ST3GAL1: variants seen among roughly 807,000 people sequenced by gnomAD.
ST3GAL1 encodes ST3 beta-galactoside alpha-2,3-sialyltransferase 1.
In ST3GAL1, 16 loss-of-function variants were observed where a neutral mutation model predicts 34.1. The ratio of observed to expected loss-of-function variants is 0.47; its 90% confidence interval spans 0.32 to 0.71. ST3GAL1 has a LOEUF of 0.71. Ranked by LOEUF, ST3GAL1 falls within the 30% of genes least tolerant of loss-of-function variation. ST3GAL1 has a pLI of 0.04. For missense variants in ST3GAL1, 353 were observed against 447.4 expected, an observed-to-expected ratio of 0.79 and a Z score of 1.90; for synonymous variants, 191 against 184.7, an observed-to-expected ratio of 1.03 and a Z score of -0.28.
chr8:133,528,811 A>AT (rs2131040467), intron 2 of ST3GAL1, among the ~76,000 whole-genome samples: 1 of 152,284 alleles, frequency 6.6e-6, no homozygotes, highest in African/African-American at 2.4e-5. Flanking sequence ...GTAGGACCAC[A>AT]TTTCCCCTCT....
chr8:133,518,522 G>A (rs1054592485), intron 2 of ST3GAL1, among the ~76,000 whole-genome samples: 7 of 152,218 alleles, frequency 4.6e-5, no homozygotes, highest in African/African-American at 1.7e-4. Context: ...CCCTTCATTT[G>A]ATGCTTAAAT....
rs60855292 is a variant in ST3GAL1 at position 133,564,519 on chromosome 8, TAC to T, written c.-582+7172_-582+7173del. Among the ~76,000 whole-genome samples the T allele has an allele frequency of 9.9e-3, 1,447 of 145,882 alleles. 18 individuals are homozygous for T. The highest frequency in any genetic ancestry group is 0.026 in the African/African-American group (1,006 of 39,154). Reference sequence around the variant, plus strand: ...ACTTTCATGTGTTTTAAAGAGAAAATACACACACACACACACACACACACACA... The same window carrying T: ...ACTTTCATGTGTTTTAAAGAGAAAATACACACACACACACACACACACACA... On this transcript the variant is annotated intron_variant, in intron 1 of 9. Transcript: ENST00000522652.
chr8:133,501,363 A>G (rs763320048), intron 2 of ST3GAL1, among the ~76,000 whole-genome samples: 5 of 152,134 alleles, frequency 3.3e-5, no homozygotes, highest in Non-Finnish European at 5.9e-5. Flanking sequence ...CAGGGTCATT[A>G]GGTGCTCTCT....
chr8:133,501,444 T>C (rs1324152393), intron 2 of ST3GAL1, among the ~76,000 whole-genome samples: 1 of 151,954 alleles, frequency 6.6e-6, no homozygotes, highest in Non-Finnish European at 1.5e-5. Context: ...ATAAGAACAT[T>C]TATGTAAAAG....
In ST3GAL1 at chr8:133,502,297, C is replaced by T. The variant is rs184846731; in HGVS notation, c.-428-3108G>A. 9.0e-3 allele frequency among the ~76,000 whole-genome samples: 1,377 copies of T among 152,170 alleles called. 28 individuals are homozygous for T. Among genetic ancestry groups the T allele is most frequent in the African/African-American group, 0.032 (1,318 of 41,494 alleles). On this transcript the variant is annotated intron_variant, in intron 2 of 9. Coordinates refer to ENST00000522652, the MANE Select transcript of ST3GAL1 (RefSeq NM_173344.3). ...TGGAATGAACCGTCCCCCACACCCC[C>T]ACCAAATTCATATGTTGATGCCTTA...
chr8:133,475,785 C>T lies in ST3GAL1; in HGVS notation c.240G>A (p.Gln80=). 1.2e-6 allele frequency: 2 copies of T among 1,613,770 alleles called. No homozygotes were observed. The highest frequency in any genetic ancestry group is 1.7e-6 in the Non-Finnish European group (2 of 1,179,830). Residue 80 remains glutamine, a synonymous_variant, in exon 5 of 10, where the codon CAG becomes CAA. Coordinates refer to ENST00000522652, the MANE Select transcript of ST3GAL1 (RefSeq NM_173344.3). ...GGGCGGTCAGCAGCGGCTGCATGGTCTGGTTGAACCTCTCATCGAACCAGG... is the reference window on the plus strand; with the variant it reads ...GGGCGGTCAGCAGCGGCTGCATGGTTTGGTTGAACCTCTCATCGAACCAGG... ...LSAWFDERFN[Q]TMQPLLTAQN... is the part of the protein sequence containing the mutation.
chr8:133,539,256 G>C (rs1285550292), intron 2 of ST3GAL1, among the ~76,000 whole-genome samples: 1 of 152,190 alleles, frequency 6.6e-6, no homozygotes, highest in South Asian at 2.1e-4. Context: ...AGGACTCAGA[G>C]GATCCAGAAG....
intron 3 of ST3GAL1, among the ~76,000 whole-genome samples, chr8:133,484,308 G>A (rs940075139): frequency 1.3e-5 from 2 of 152,202 alleles, no homozygotes; most frequent in Non-Finnish European, 2.9e-5. Flanking sequence ...TCACATGAGA[G>A]TTAAGTGCAT....
intron 3 of ST3GAL1, among the ~76,000 whole-genome samples, chr8:133,487,625 C>T (rs1304687120): frequency 1.3e-5 from 2 of 152,186 alleles, no homozygotes; most frequent in African/African-American, 4.8e-5. Flanking sequence ...ACTCACTGGG[C>T]TCCGGCCATC....
At chr8:133,509,474 C>T (rs572900957) in intron 2 of ST3GAL1, among the ~76,000 whole-genome samples, 5 of 152,354 alleles carry the variant, frequency 3.3e-5, no homozygotes, top group African/African-American at 1.2e-4. Flanking sequence ...CTTCACAAGC[C>T]TCCTGTGAGG....
At chr8:133,465,663 T>A (rs1009652738) in intron 6 of ST3GAL1, 1 of 435,562 alleles carries the variant, frequency 2.3e-6, no homozygotes, top group African/African-American at 2.0e-5. Context: ...ACCTCCCGTG[T>A]ATGGCTTCCT....
intron 2 of ST3GAL1, among the ~76,000 whole-genome samples, chr8:133,500,770 G>A (rs1459811558): frequency 1.3e-5 from 2 of 152,220 alleles, no homozygotes; most frequent in African/African-American, 2.4e-5. Flanking sequence ...CATGCTCCCT[G>A]AGGGCTGAAC....
At chr8:133,504,415 C>CT (rs1367958309) in intron 2 of ST3GAL1, among the ~76,000 whole-genome samples, 7 of 152,232 alleles carry the variant, frequency 4.6e-5, no homozygotes, top group Middle Eastern at 3.2e-3. Flanking sequence ...ATCAGCTTTT[C>CT]TTTGAGTCAT....
chr8:133,463,391 G>C (rs569191027), intron 8 of ST3GAL1, 23 bp downstream of exon 8: 3 of 1,613,528 alleles, frequency 1.9e-6, no homozygotes, highest in Admixed American at 3.3e-5. Context: ...ACTTAGAACA[G>C]AGGGGCCGGG....
At chr8:133,566,202 G>C (rs1306444467) in intron 1 of ST3GAL1, among the ~76,000 whole-genome samples, 1 of 152,150 alleles carries the variant, frequency 6.6e-6, no homozygotes, top group African/African-American at 2.4e-5. Flanking sequence ...GGACAAAGAA[G>C]CCAAAAGTTT....
intron 2 of ST3GAL1, among the ~76,000 whole-genome samples, chr8:133,540,918 G>GAC (rs1164951022): frequency 0.021 from 2,070 of 100,482 alleles, 181 homozygotes; most frequent in East Asian, 0.052. Flanking sequence ...CATATATATA[G>GAC]ACATATATAT....
chr8:133,531,034 C>A (rs1179501625), intron 2 of ST3GAL1, among the ~76,000 whole-genome samples: 1 of 152,176 alleles, frequency 6.6e-6, no homozygotes, highest in East Asian at 1.9e-4. Context: ...TGGACTCCCA[C>A]ATTTATGATT....
intron 3 of ST3GAL1, among the ~76,000 whole-genome samples, chr8:133,483,937 C>G (rs1309943243): frequency 6.6e-6 from 1 of 152,176 alleles, no homozygotes; most frequent in Non-Finnish European, 1.5e-5. Flanking sequence ...AGTCTTTTTT[C>G]CCACACACTT....
chr8:133,471,538 CA>C (rs780462468), intron 5 of ST3GAL1, among the ~76,000 whole-genome samples: 1 of 152,212 alleles, frequency 6.6e-6, no homozygotes. Flanking sequence ...ACCTATTTTA[CA>C]GGTGAGGAAA....
Sources: allele counts gnomAD v4.1 joint callset (sites outside exome capture counted in the v4.1 genomes callset), GRCh38; gene constraint gnomAD v4.1.1; transcripts MANE v1.5; gene names NCBI Gene and HGNC (gene_info 2026-07-23, HGNC 2026-07-21).